The following FRMD4B variants were observed in gnomAD, a reference collection of about 807,000 sequenced individuals.
FRMD4B encodes the protein FERM domain containing 4B, also known as FERM domain-containing protein 4B.
FRMD4B carries 74 observed loss-of-function variants against 141.5 expected under a neutral mutation model. The observed-to-expected ratio is 0.52, with a 90% CI of 0.43 to 0.63. FRMD4B has a LOEUF of 0.63. FRMD4B is among the 30% of genes least tolerant of loss of function. The pLI, the probability that FRMD4B is intolerant of heterozygous loss-of-function variation, is 0.00. For synonymous variants in FRMD4B, 506 were observed against 467.9 expected (o/e 1.08, Z -1.05); for missense variants, 1,366 against 1,253.4 (o/e 1.09, Z -1.36).
intron 2 of FRMD4B, among the ~76,000 whole-genome samples, chr3:69,405,578 G>A (rs1354178935): frequency 6.6e-6 from 1 of 152,204 alleles, no homozygotes; most frequent in Non-Finnish European, 1.5e-5. Context: ...AGAAGAAGAA[G>A]GTAGAAGGAT....
chr3:69,323,645 T>TGTTTTGTTTTTTTG (rs1702090933), intron 1 of FRMD4B, among the ~76,000 whole-genome samples: 1 of 130,174 alleles, frequency 7.7e-6, no homozygotes, highest in Admixed American at 7.5e-5. Context: ...TATATATATA[T>TGTTTTGTTTTTTTG]ATATATATGC....
At chr3:69,368,201 C>A (rs142436926) in intron 1 of FRMD4B, among the ~76,000 whole-genome samples, 356 of 152,266 alleles carry the variant, frequency 2.3e-3, no homozygotes, top group Non-Finnish European at 3.9e-3. Flanking sequence ...TCCCATTTTA[C>A]AGATGAGGAA....
At chr3:69,310,603 G>A (rs1287448011) in intron 3 of FRMD4B, 1 of 258,682 alleles carries the variant, frequency 3.9e-6, no homozygotes, top group Non-Finnish European at 7.5e-6. Flanking sequence ...GAGAGAGAGA[G>A]AGAGAGAGAA....
intron 2 of FRMD4B, among the ~76,000 whole-genome samples, chr3:69,414,457 G>A (rs908930269): frequency 6.6e-5 from 10 of 152,328 alleles, no homozygotes; most frequent in Non-Finnish European, 1.0e-4. Context: ...TCTTTTCAGC[G>A]AAGGAAAATA....
chr3:69,386,518 C>G (rs1485626980), upstream of FRMD4B, among the ~76,000 whole-genome samples: 1 of 152,104 alleles, frequency 6.6e-6, no homozygotes, highest in Non-Finnish European at 1.5e-5. Context: ...TCATCTTGCT[C>G]TGTTCACACT....
intron 7 of FRMD4B, among the ~76,000 whole-genome samples, chr3:69,233,505 A>G (rs2093325201): frequency 6.6e-6 from 1 of 151,792 alleles, no homozygotes; most frequent in African/African-American, 2.4e-5. Context: ...AAAAAGATTA[A>G]CTTGGGTCTG....
chr3:69,472,417 T>C (rs9834457), intron 1 of FRMD4B: 83,540 of 478,026 alleles, frequency 0.17, 9,554 homozygotes, highest in African/African-American at 0.43. Context: ...TTCACTAATA[T>C]GGCCAATAAT....
At chr3:69,266,997 A>G in intron 5 of FRMD4B, among the ~76,000 whole-genome samples, 1 of 152,240 alleles carries the variant, frequency 6.6e-6, no homozygotes, top group East Asian at 1.9e-4. Flanking sequence ...GCCATGAGAA[A>G]ATTATTAGAC....
At chr3:69,289,661 G>A (rs1332333646) in intron 4 of FRMD4B, among the ~76,000 whole-genome samples, 1 of 152,128 alleles carries the variant, frequency 6.6e-6, no homozygotes, top group Non-Finnish European at 1.5e-5. Context: ...TGGGCGTGGT[G>A]GCGGGCGGGC....
chr3:69,270,569 C>CTTTTTTT (rs57693333), intron 5 of FRMD4B, among the ~76,000 whole-genome samples: 1 of 144,802 alleles, frequency 6.9e-6, no homozygotes, highest in Non-Finnish European at 1.5e-5. Context: ...TTCTTTTTTT[C>CTTTTTTT]TTTTTTTTTT....
chr3:69,250,678 T>G (rs1269714566), intron 5 of FRMD4B, among the ~76,000 whole-genome samples: 1 of 152,072 alleles, frequency 6.6e-6, no homozygotes, highest in Non-Finnish European at 1.5e-5. Flanking sequence ...AGACTAAAAT[T>G]CTGTTGATTT....
At chr3:69,498,271 G>A (rs1000223061) in intron 1 of FRMD4B, among the ~76,000 whole-genome samples, 1 of 152,160 alleles carries the variant, frequency 6.6e-6, no homozygotes, top group African/African-American at 2.4e-5. Context: ...AATTTGTTTT[G>A]CTAATGGGCG....
intron 11 of FRMD4B, among the ~76,000 whole-genome samples, chr3:69,201,734 C>T (rs951778286): frequency 2.0e-5 from 3 of 152,144 alleles, no homozygotes; most frequent in South Asian, 2.1e-4. Flanking sequence ...GCTCTACAAA[C>T]GGCAATGGAG....
chr3:69,496,647 G>GAGAGAGAGAGAGAC (rs1706402158), intron 1 of FRMD4B, among the ~76,000 whole-genome samples: 1 of 98,664 alleles, frequency 1.0e-5, no homozygotes, highest in African/African-American at 4.1e-5. Flanking sequence ...AAGAGAGAGA[G>GAGAGAGAGAGAGAC]AGAGAGAGAG....
intron 1 of FRMD4B, among the ~76,000 whole-genome samples, chr3:69,325,517 A>G (rs1233902812): frequency 6.6e-6 from 1 of 152,230 alleles, no homozygotes; most frequent in Non-Finnish European, 1.5e-5. Context: ...ATCAGGAGAC[A>G]CCAGCCTAGT....
chr3:69,306,254 T>C (rs1243012012), intron 3 of FRMD4B, among the ~76,000 whole-genome samples: 1 of 152,132 alleles, frequency 6.6e-6, no homozygotes, highest in African/African-American at 2.4e-5. Flanking sequence ...CTAACCAATA[T>C]CTTAAAAAGA....
At chr3:69,403,173 AG>A (rs1179064697) in intron 2 of FRMD4B, among the ~76,000 whole-genome samples, 2 of 152,188 alleles carry the variant, frequency 1.3e-5, no homozygotes, top group Non-Finnish European at 2.9e-5. Context: ...AAACTTAGCA[AG>A]GGTTCAGGGG....
At chr3:69,176,430 C>A (rs1260663893) in intron 22 of FRMD4B, 94 bp downstream of exon 22, 2 of 1,093,196 alleles carry the variant, frequency 1.8e-6, no homozygotes, top group East Asian at 4.8e-5. Flanking sequence ...TTTGCCAACC[C>A]CTGAACTAGA....
At chr3:69,428,075 C>T (rs1375909936) in intron 2 of FRMD4B, among the ~76,000 whole-genome samples, 1 of 152,018 alleles carries the variant, frequency 6.6e-6, no homozygotes, top group East Asian at 2.0e-4. Context: ...TGCACTCAAG[C>T]TTTTCAGTTG....
Sources: gnomAD v4.1 joint callset for allele counts (sites outside exome capture counted in the v4.1 genomes callset) on GRCh38, gnomAD v4.1.1 for gene constraint, MANE v1.5 for transcripts, NCBI Gene and HGNC (gene_info 2026-07-23, HGNC 2026-07-21) for gene names.